RTL4: variants seen among roughly 807,000 people sequenced by gnomAD.
RTL4 encodes the protein retrotransposon Gag-like protein 4.
Under a neutral mutation model 5.3 loss-of-function variants are expected in RTL4, and 4 were observed. That is an observed-to-expected ratio of 0.75 (90% CI 0.37 to 1.72). The LOEUF is 1.72. Among genes scored for constraint, RTL4 ranks in the 40% most tolerant of loss-of-function variants. RTL4 has a pLI of 0.04. For synonymous variants in RTL4, 98 were observed against 87.3 expected (o/e 1.12, Z -0.68); for missense variants, 260 against 227.1 (o/e 1.14, Z -0.93).
At chrX:112,110,475 G>T in the RTL4 span, among the ~76,000 whole-genome samples, 18 of 111,665 alleles carry the variant, frequency 1.6e-4, no homozygotes, top group Non-Finnish European at 3.0e-4. Context: ...ATGGCCCTGT[G>T]CTGATGGACT....
chrX:112,417,375 G>A, the RTL4 span, among the ~76,000 whole-genome samples: 4 of 111,950 alleles, frequency 3.6e-5, no homozygotes, highest in African/African-American at 1.3e-4. Flanking sequence ...GCAAGTGGTA[G>A]GGGAGGATAA....
chrX:112,193,994 T>C, the RTL4 span, among the ~76,000 whole-genome samples: 5 of 111,391 alleles, frequency 4.5e-5, no homozygotes, highest in Admixed American at 1.9e-4. Context: ...TGGAACACTC[T>C]GAGGTAAATG....
chrX:112,337,747 G>A, the RTL4 span, among the ~76,000 whole-genome samples: 13 of 110,924 alleles, frequency 1.2e-4, no homozygotes, highest in East Asian at 3.4e-3. Flanking sequence ...TGGCTTCTAG[G>A]TACCCTGATA....
At chrX:112,202,351 A>G in the RTL4 span, among the ~76,000 whole-genome samples, 6 of 110,124 alleles carry the variant, frequency 5.4e-5, no homozygotes, top group Non-Finnish European at 1.1e-4. Flanking sequence ...CAGACATAAC[A>G]TGGTTTGTAT....
At chrX:112,112,032 A>G in the RTL4 span, among the ~76,000 whole-genome samples, 5 of 111,884 alleles carry the variant, frequency 4.5e-5, no homozygotes, top group Non-Finnish European at 1.9e-5. Context: ...CATTTACATC[A>G]TGAGTATTCC....
chrX:112,452,080 G>T (rs1455200662), upstream of RTL4, among the ~76,000 whole-genome samples: 1 of 105,521 alleles, frequency 9.5e-6, no homozygotes, highest in Non-Finnish European at 1.9e-5. Context: ...CAAATGCCCT[G>T]GGAAAGACCT....
At chrX:112,263,487 G>C in the RTL4 span, among the ~76,000 whole-genome samples, 1 of 111,879 alleles carries the variant, frequency 8.9e-6, no homozygotes, top group Admixed American at 9.5e-5. Context: ...CCCAGCTCCT[G>C]ACCACCACTG....
chrX:112,304,777 A>G, the RTL4 span, among the ~76,000 whole-genome samples: 6 of 107,244 alleles, frequency 5.6e-5, no homozygotes, highest in African/African-American at 2.0e-4. Context: ...AGAATTTAAT[A>G]AACCTCCTGA....
the RTL4 span, among the ~76,000 whole-genome samples, chrX:112,236,387 C>CAT: frequency 3.5e-5 from 3 of 86,553 alleles, no homozygotes; most frequent in Admixed American, 1.4e-4. Flanking sequence ...TCCTAACTTT[C>CAT]ATATATATAT....
rs767938577 is a variant in RTL4, at chrX:112,455,041, C to T, written c.313C>T (p.Gln105Ter). 8.3e-7 allele frequency: 1 copy of T among 1,210,009 alleles called. No individual in the cohort carries two copies. The highest frequency in any genetic ancestry group is 1.7e-5 in the African/African-American group (1 of 57,163). Residue 105 changes from glutamine to a stop codon, truncating the protein, a stop_gained, in exon 1 of 1, where the codon CAG becomes TAG. Transcript: ENST00000340433. LOFTEE classifies it low-confidence loss of function (END_TRUNC). ...CAAACTCTTTTTTGATTACCTATCT[C>T]AGCAGTTAGAAAGTTGTGGGATCAT...
chrX:112,102,564 G>A, the RTL4 span, among the ~76,000 whole-genome samples: 1 of 111,142 alleles, frequency 9.0e-6, no homozygotes, highest in Non-Finnish European at 1.9e-5. Context: ...CAGAAATAAG[G>A]AATGTCTCTC....
chrX:112,440,255 A>C, the RTL4 span, among the ~76,000 whole-genome samples: 1,238 of 111,808 alleles, frequency 0.011, 22 homozygotes, highest in African/African-American at 0.038. Context: ...CCTTGATGCA[A>C]TTCCATTCTG....
chrX:112,454,557 G>T, exon 1 of RTL4: 1 of 423,526 alleles, frequency 2.4e-6, no homozygotes, highest in Middle Eastern at 6.6e-4. Flanking sequence ...ACACTTTTTG[G>T]CATCTCTCCA....
At chrX:112,371,853 T>C in the RTL4 span, among the ~76,000 whole-genome samples, 4 of 112,011 alleles carry the variant, frequency 3.6e-5, no homozygotes, top group Admixed American at 3.8e-4. Context: ...AAAACAATAA[T>C]ATGCATACTT....
At chrX:112,219,858 G>A in the RTL4 span, among the ~76,000 whole-genome samples, 1 of 111,897 alleles carries the variant, frequency 8.9e-6, no homozygotes, top group Admixed American at 9.5e-5. Context: ...TACTGGGCCT[G>A]GCTCTGGTTA....
the RTL4 span, among the ~76,000 whole-genome samples, chrX:112,169,042 T>TTCTTTCTTTCTTTCTTTCTTTCTG: frequency 1.2e-4 from 4 of 32,622 alleles, no homozygotes; most frequent in African/African-American, 3.6e-4. Flanking sequence ...CTTTCTTTCT[T>TTCTTTCTTTCTTTCTTTCTTTCTG]TCTTTCTTTC....
chrX:112,187,797 C>T, the RTL4 span, among the ~76,000 whole-genome samples: 1 of 111,730 alleles, frequency 9.0e-6, no homozygotes, highest in South Asian at 3.8e-4. Context: ...ATGGAAGGGA[C>T]TGGATGAGGC....
chrX:112,360,031 T>C, the RTL4 span, among the ~76,000 whole-genome samples: 1 of 111,702 alleles, frequency 9.0e-6, no homozygotes, highest in African/African-American at 3.2e-5. Flanking sequence ...ATATTGGTTA[T>C]ATAAGCATCC....
At chrX:112,095,829 A>C in the RTL4 span, among the ~76,000 whole-genome samples, 1 of 111,795 alleles carries the variant, frequency 8.9e-6, no homozygotes, top group Non-Finnish European at 1.9e-5. Flanking sequence ...CTGAAGGGTC[A>C]GGGCATTGGC....
Sources: gnomAD v4.1 joint callset for allele counts (sites outside exome capture counted in the v4.1 genomes callset) on GRCh38, gnomAD v4.1.1 for gene constraint, MANE v1.5 for transcripts, NCBI Gene and HGNC (gene_info 2026-07-23, HGNC 2026-07-21) for gene names.